Variants in LOC400499 observed in about 807,000 individuals in gnomAD.
At chr16:11,415,563 T>C in the LOC400499 span, among the ~76,000 whole-genome samples, 3 of 152,302 alleles carry the variant, frequency 2.0e-5, no homozygotes, top group East Asian at 5.8e-4. Flanking sequence ...TCCTTCCTCG[T>C]TCAACATTCA....
the LOC400499 span, among the ~76,000 whole-genome samples, chr16:11,492,792 A>C: frequency 1.6e-4 from 24 of 152,160 alleles, no homozygotes; most frequent in African/African-American, 4.8e-4. Context: ...CTCAAAAAAA[A>C]AAAAAGTTAG....
the LOC400499 span, among the ~76,000 whole-genome samples, chr16:11,403,446 TAC>T: frequency 1.7e-4 from 26 of 152,140 alleles, no homozygotes; most frequent in African/African-American, 5.8e-4. Context: ...CGTGCATGTA[TAC>T]ACACACATGC....
At chr16:11,443,491 A>AAGAGAGAGAGGAGAG in the LOC400499 span, 1 of 132,234 alleles carries the variant, frequency 7.6e-6, no homozygotes, top group African/African-American at 6.8e-5. Context: ...AAAAAAAAAA[A>AAGAGAGAGAGGAGAG]AGAGAGAGAG....
At chr16:11,455,504 G>T in the LOC400499 span, among the ~76,000 whole-genome samples, 1 of 152,128 alleles carries the variant, frequency 6.6e-6, no homozygotes, top group African/African-American at 2.4e-5. Flanking sequence ...GGAGGCCAAA[G>T]AAGGTGGATC....
chr16:11,387,876 G>A, the LOC400499 span, among the ~76,000 whole-genome samples: 7 of 152,076 alleles, frequency 4.6e-5, no homozygotes, highest in South Asian at 2.1e-4. Flanking sequence ...TGCCCACCTC[G>A]GCCTCCCAAA....
chr16:11,478,851 C>T, the LOC400499 span, among the ~76,000 whole-genome samples: 3 of 152,094 alleles, frequency 2.0e-5, no homozygotes, highest in South Asian at 2.1e-4. Context: ...GGGTCCTTCC[C>T]GTGCTGTTCG....
At chr16:11,428,596 C>T in the LOC400499 span, among the ~76,000 whole-genome samples, 3 of 152,182 alleles carry the variant, frequency 2.0e-5, no homozygotes, top group Non-Finnish European at 4.4e-5. Context: ...TCGTCACCAT[C>T]TTGGTTTTGG....
chr16:11,389,082 C>T, the LOC400499 span, among the ~76,000 whole-genome samples: 1 of 152,094 alleles, frequency 6.6e-6, no homozygotes, highest in African/African-American at 2.4e-5. Context: ...GAACAAGACT[C>T]CATCTCAAAA....
the LOC400499 span, chr16:11,446,708 C>G: frequency 3.3e-6 from 5 of 1,532,316 alleles, no homozygotes; most frequent in Admixed American, 2.0e-5. Flanking sequence ...CTTCCTCTGG[C>G]TCTCAGGCCC....
At chr16:11,422,383 G>A in the LOC400499 span, among the ~76,000 whole-genome samples, 1 of 152,088 alleles carries the variant, frequency 6.6e-6, no homozygotes. Context: ...CTGGGCAACT[G>A]AGCAAGACTC....
the LOC400499 span, among the ~76,000 whole-genome samples, chr16:11,504,698 A>T: frequency 2.0e-5 from 3 of 151,996 alleles, no homozygotes; most frequent in African/African-American, 7.2e-5. Context: ...CGAGGCAGGC[A>T]GATCACTTGC....
the LOC400499 span, among the ~76,000 whole-genome samples, chr16:11,457,466 G>A: frequency 2.6e-5 from 4 of 151,764 alleles, no homozygotes; most frequent in Non-Finnish European, 5.9e-5. Flanking sequence ...GGTGGTGGGC[G>A]CCTGTAGTCC....
chr16:11,456,416 C>G, the LOC400499 span, among the ~76,000 whole-genome samples: 5 of 151,948 alleles, frequency 3.3e-5, no homozygotes, highest in Admixed American at 2.0e-4. Context: ...TGCAAAGGCC[C>G]TGGAGTGTGT....
chr16:11,409,051 A>G, the LOC400499 span, among the ~76,000 whole-genome samples: 1 of 152,134 alleles, frequency 6.6e-6, no homozygotes, highest in East Asian at 1.9e-4. Context: ...ATTTGAGGTC[A>G]GGAGTTCAAG....
the LOC400499 span, chr16:11,446,789 G>A: frequency 6.5e-7 from 1 of 1,536,172 alleles, no homozygotes; most frequent in Non-Finnish European, 8.7e-7. Context: ...ATGGTCTGCA[G>A]GGTTTCCTCT....
At chr16:11,427,716 G>C in the LOC400499 span, among the ~76,000 whole-genome samples, 2 of 152,160 alleles carry the variant, frequency 1.3e-5, no homozygotes, top group Non-Finnish European at 2.9e-5. Context: ...AAAGTGCTGG[G>C]ATTATAGGTG....
At chr16:11,524,037 C>T in the LOC400499 span, among the ~76,000 whole-genome samples, 4 of 86,006 alleles carry the variant, frequency 4.7e-5, no homozygotes, top group Admixed American at 1.2e-4. Context: ...CCCCCTCCTA[C>T]GCATCCATTC....
chr16:11,519,830 T>C, the LOC400499 span, among the ~76,000 whole-genome samples: 2 of 151,716 alleles, frequency 1.3e-5, no homozygotes, highest in Non-Finnish European at 2.9e-5. Flanking sequence ...CTCAGCCTCC[T>C]GAGTAGCTGG....
the LOC400499 span, chr16:11,514,469 G>A: frequency 2.5e-6 from 1 of 399,310 alleles, no homozygotes; most frequent in African/African-American, 2.1e-5. Flanking sequence ...GTCCAGCTCT[G>A]TGCAGGAGGC....
Sources: gnomAD v4.1 joint callset for allele counts (sites outside exome capture counted in the v4.1 genomes callset) on GRCh38, gnomAD v4.1.1 for gene constraint, MANE v1.5 for transcripts.